SLC12A3: variants seen among roughly 807,000 people sequenced by gnomAD.
SLC12A3 encodes solute carrier family 12 member 3.
Under a neutral mutation model 121.0 loss-of-function variants are expected in SLC12A3, and 104 were observed. That is an observed-to-expected ratio of 0.86 (90% CI 0.73 to 1.01). The LOEUF (loss-of-function observed/expected upper bound fraction) is 1.01, where lower values mean the gene tolerates loss of function less well. Ranked by LOEUF, SLC12A3 falls within the 50% of genes least tolerant of loss-of-function variation. The probability of loss-of-function intolerance (pLI) is 0.00; values close to 1 mark genes in which losing one functional copy is unlikely to be tolerated. For missense variants in SLC12A3, 1,328 were observed against 1,356.3 expected, an observed-to-expected ratio of 0.98 and a Z score of 0.33; for synonymous variants, 536 against 533.4, an observed-to-expected ratio of 1.00 and a Z score of -0.07.
At chr16:56,878,281 A>G in intron 9 of SLC12A3, 120 bp downstream of exon 9, 1 of 773,526 alleles carries the variant, frequency 1.3e-6, no homozygotes, top group Non-Finnish European at 2.2e-6. Context: ...AACAACAGGG[A>G]GAGCTGGGCT....
rs140349055 is a variant in SLC12A3 at position 56,875,348 on chromosome 16, G to T, written c.1095+2562G>T. Among the ~76,000 whole-genome samples, 6 of 152,294 alleles carry T rather than the reference G, an allele frequency of 3.9e-5. No homozygotes were observed. The East Asian group carries it at 1.2e-3, about 29-fold the overall frequency. On this transcript the variant is annotated intron_variant, in intron 8 of 25. Coordinates refer to ENST00000563236, the MANE Select transcript of SLC12A3 (RefSeq NM_001126108.2). Reference sequence around the variant, plus strand: ...TACAGCCCCCATCTTGCAGGGCGGTGGGGAGGATTCCATGTGCTAATTCAT... The same window carrying T: ...TACAGCCCCCATCTTGCAGGGCGGTTGGGAGGATTCCATGTGCTAATTCAT...
intron 20 of SLC12A3, 35 bp from the exon 21 acceptor site, chr16:56,892,918 C>T (rs1272210192): frequency 1.3e-6 from 2 of 1,580,164 alleles, no homozygotes; most frequent in Non-Finnish European, 1.7e-6. Context: ...TGCGCGGCTG[C>T]TGGCTCTGCT....
rs1486568271 is a variant in SLC12A3 at position 56,867,213 on chromosome 16, G to A, written c.426G>A (p.Val142=). 4 of 1,608,370 alleles carry A rather than the reference G, an allele frequency of 2.5e-6. No individual in the cohort carries two copies. Among genetic ancestry groups the A allele is most frequent in the South Asian group, 1.1e-5 (1 of 90,208 alleles). ...TGCGCTTCGGCTGGGTCAAGGGGGT[G>A]ATGGTGAGTGGGGTGTGGGTGGTGC... ...EPVRFGWVKG[V]MIRCMLNIWG... is the part of the protein sequence containing the mutation. Residue 142 remains valine (V), a synonymous_variant, in exon 2 of 26, where the codon GTG becomes GTA. Coordinates refer to ENST00000563236, the MANE Select transcript of SLC12A3 (RefSeq NM_001126108.2).
At chr16:56,878,039 C>A in intron 8 of SLC12A3, 38 bp from the exon 9 acceptor site, 2 of 525,884 alleles carry the variant, frequency 3.8e-6, no homozygotes, top group East Asian at 3.7e-5. Flanking sequence ...TCCCTCTCTC[C>A]CTCCCTCCCT....
chr16:56,882,358 C>A (rs1477800459), intron 12 of SLC12A3, 38 bp from the exon 13 acceptor site: 6 of 1,559,532 alleles, frequency 3.8e-6, no homozygotes. Context: ...GGCAGAGTTG[C>A]CCAACAGGCT....
intron 1 of SLC12A3, 90 bp from the exon 2 acceptor site, chr16:56,866,980 G>A: frequency 6.4e-7 from 1 of 1,555,934 alleles, no homozygotes; most frequent in Non-Finnish European, 8.8e-7. Context: ...TGCTCGGTAT[G>A]GGGCGCAGTG....
chr16:56,880,639 G>A (rs1160828736), intron 12 of SLC12A3, among the ~76,000 whole-genome samples: 2 of 152,150 alleles, frequency 1.3e-5, no homozygotes, highest in Non-Finnish European at 2.9e-5. Context: ...TCTCTCCTTG[G>A]GATGGGATAC....
chr16:56,878,467 T>C lies in SLC12A3; in HGVS notation c.1180+306T>C, dbSNP rs551794976. ...TCCTACAGGACAAATCTAGGAGTGA[T>C]GATGATGATGATGATGATGATAATG... On this transcript the variant is annotated intron_variant, in intron 9 of 25. Transcript: ENST00000563236. Among the ~76,000 whole-genome samples, 104 of 102,232 alleles carry C rather than the reference T, an allele frequency of 1.0e-3. 3 individuals are homozygous for C. In the East Asian group the frequency reaches 0.031, roughly 31 times the overall value. The allele number at this position is 102,232 out of a possible 152,430, so 67.1% of individuals were successfully genotyped here.
At chr16:56,873,918 G>T (rs539268055) in intron 8 of SLC12A3, among the ~76,000 whole-genome samples, 28 of 152,106 alleles carry the variant, frequency 1.8e-4, no homozygotes, top group African/African-American at 6.5e-4. Context: ...CGCCATGTTG[G>T]CCAGGCTGGT....
chr16:56,881,452 G>T (rs1226083504), intron 12 of SLC12A3, among the ~76,000 whole-genome samples: 1 of 151,862 alleles, frequency 6.6e-6, no homozygotes, highest in Non-Finnish European at 1.5e-5. Context: ...TCTGGGGGGG[G>T]GTCTGACTTG....
At position 56,887,216 on chromosome 16, in the gene SLC12A3, T is replaced by G; in HGVS notation, c.2178+123T>G. ...GCTGCAGAAGGAGCCCCAACTTTTT[T>G]TTTTTGAGACTTGTTTTACTTGTCA... On this transcript the variant is annotated intron_variant, in intron 17 of 25. Coordinates refer to ENST00000563236, the MANE Select transcript of SLC12A3 (RefSeq NM_001126108.2). 2.4e-6 allele frequency: 3 copies of G among 1,232,330 alleles called. No individual in the cohort carries two copies. The South Asian group carries it at 4.1e-5, about 17-fold the overall frequency. 76.3% of individuals were successfully genotyped at this position (1,232,330 alleles called of 1,614,324 possible). A position where few individuals can be genotyped will look rare whatever the true frequency, so the allele number is the denominator to read the frequency against.
In SLC12A3 at chr16:56,915,621, G is replaced by T. The variant is rs1264374114; in HGVS notation, c.*2216G>T. The T allele has an allele frequency of 6.6e-6, 1 of 152,172 alleles. No individual in the cohort carries two copies. Among genetic ancestry groups the T allele is most frequent in the Non-Finnish European group, 1.5e-5 (1 of 68,030 alleles). 9.4% of individuals were successfully genotyped at this position (152,172 alleles called of 1,614,324 possible). A position where few individuals can be genotyped will look rare whatever the true frequency, so the allele number is the denominator to read the frequency against. ...GGGAAGCATCCATCAGGGAATGCTGGCCTTTCTAGAGCCACGTAGAAAACA... is the reference window on the plus strand; with the variant it reads ...GGGAAGCATCCATCAGGGAATGCTGTCCTTTCTAGAGCCACGTAGAAAACA... On this transcript the variant is annotated 3_prime_UTR_variant, in exon 26 of 26. Coordinates refer to ENST00000563236, the MANE Select transcript of SLC12A3 (RefSeq NM_001126108.2).
At chr16:56,871,081 C>T (rs898827810) in intron 6 of SLC12A3, among the ~76,000 whole-genome samples, 8 of 152,108 alleles carry the variant, frequency 5.3e-5, no homozygotes, top group Non-Finnish European at 7.4e-5. Context: ...GTGATCTGCC[C>T]GCCTTGGCCT....
At position 56,914,762 on chromosome 16, in the gene SLC12A3, A is replaced by T. The variant is rs2055731996; in HGVS notation, c.*1357A>T. ...CAAGGGTAAGATTTCAGGCATGGTT[A>T]AGAACAGACGACAAGGATGTCAGGA... is the stretch of plus-strand genomic sequence containing the variant. On this transcript the variant is annotated 3_prime_UTR_variant, in exon 26 of 26. Transcript: ENST00000563236. 6.6e-6 allele frequency: 1 copy of T among 152,572 alleles called. No individual in the cohort carries two copies. The highest frequency in any genetic ancestry group is 1.9e-4 in the East Asian group (1 of 5,194). The allele number at this position is 152,572 out of a possible 1,614,324, so 9.5% of individuals were successfully genotyped here. A position where few individuals can be genotyped will look rare whatever the true frequency, so the allele number is the denominator to read the frequency against.
intron 23 of SLC12A3, among the ~76,000 whole-genome samples, chr16:56,901,347 C>CTTTTTTTTTTTTTTTTTTTT (rs113592874): frequency 7.8e-6 from 1 of 128,904 alleles, no homozygotes; most frequent in African/African-American, 3.3e-5. Flanking sequence ...CTCTCTCTCT[C>CTTTTTTTTTTTTTTTTTTTT]TTTTTTTTTT....
intron 2 of SLC12A3, among the ~76,000 whole-genome samples, 188 bp downstream of exon 2, chr16:56,867,404 T>A (rs1964383774): frequency 6.6e-6 from 1 of 152,202 alleles, no homozygotes; most frequent in South Asian, 2.1e-4. Context: ...TAGAAGAAAC[T>A]GTGTTTCCCT....
Position 56,879,615 on chromosome 16 carries a change from T to C in SLC12A3, c.1409T>C (p.Leu470Pro), listed in dbSNP as rs1380106424. The C allele has an allele frequency of 1.2e-6, 2 of 1,613,490 alleles. No homozygotes were observed. Among genetic ancestry groups the C allele is most frequent in the African/African-American group, 1.3e-5 (1 of 74,898 alleles). Residue 470 changes from leucine to proline, a missense_variant, in exon 11 of 26, where the codon CTG becomes CCG. Transcript: ENST00000563236. ...GIFGATLSSA[L>P]ACLVSAAKVF... ...TTCGGGGCCACCCTCTCCTCTGCCC[T>C]GGCCTGCCTTGTCTCTGCTGCCAAA...
At chr16:56,868,524 G>C (rs1964414614) in intron 3 of SLC12A3, 152 bp downstream of exon 3, 1 of 793,898 alleles carries the variant, frequency 1.3e-6, no homozygotes, top group Admixed American at 2.0e-5. Flanking sequence ...CCCTGGTTCA[G>C]TCTCAGGCCC....
rs143336929 is a variant in SLC12A3 at position 56,913,224 on chromosome 16, C to G, written c.2925-40C>G. The G allele has an allele frequency of 1.2e-4, 198 of 1,613,778 alleles. 2 individuals are homozygous for G. In the East Asian group the frequency reaches 4.1e-3, roughly 34 times the overall value. On this transcript the variant is annotated intron_variant, in intron 25 of 25. Coordinates refer to ENST00000563236, the MANE Select transcript of SLC12A3 (RefSeq NM_001126108.2). The stretch of plus-strand genomic sequence containing the variant: ...GGGAGCTGGGCGTGTGGAGCGGCCC[C>G]GTGGTAATCTCTCTTCTACCACTTT...
Sources: allele counts gnomAD v4.1 joint callset (sites outside exome capture counted in the v4.1 genomes callset), GRCh38; gene constraint gnomAD v4.1.1; transcripts MANE v1.5; gene names NCBI Gene and HGNC (gene_info 2026-07-23, HGNC 2026-07-21).